Variants in ZNFX1 observed in about 807,000 individuals in gnomAD.
ZNFX1 encodes the protein zinc finger NFX1-type containing 1, also known as NFX1-type zinc finger-containing protein 1.
In ZNFX1, 78 loss-of-function variants were observed where a neutral mutation model predicts 179.8. That is an observed-to-expected ratio of 0.43 (90% CI 0.36 to 0.52). The LOEUF (loss-of-function observed/expected upper bound fraction) is 0.52, where lower values mean the gene tolerates loss of function less well. ZNFX1 is among the 20% of genes least tolerant of loss of function. The pLI is 0.00. For missense variants in ZNFX1, 1,927 were observed against 2,386.6 expected (o/e 0.81, Z 4.01); for synonymous variants, 848 against 868.5 (o/e 0.98, Z 0.42).
In ZNFX1 at chr20:49,248,483, CAG is replaced by C; in HGVS notation, c.4539_4540del (p.Val1515LeufsTer14). 1 of 1,612,566 alleles carries C rather than the reference CAG, an allele frequency of 6.2e-7. No individual in the cohort carries two copies. The highest frequency in any genetic ancestry group is 8.5e-7 in the Non-Finnish European group (1 of 1,178,870). ...CTGGTAGTGCTGGCAGCGCCAGACA[CAG>C]GGTTCCACGCAGGGACTACACAGCT... On this transcript the variant is annotated frameshift_variant, in exon 14 of 14. Coordinates refer to ENST00000396105, the MANE Select transcript of ZNFX1 (RefSeq NM_021035.3). LOFTEE classifies it high-confidence loss of function. The surrounding 1 kb of genome is among the most constrained non-coding windows in gnomAD (Gnocchi z 4.6).
chr20:49,254,535 G>T lies in ZNFX1; in HGVS notation c.2919C>A (p.His973Gln). The T allele has an allele frequency of 6.2e-7, 1 of 1,614,180 alleles. No individual in the cohort carries two copies. Among genetic ancestry groups the T allele is most frequent in the African/African-American group, 1.3e-5 (1 of 75,036 alleles). The change falls in exon 10 of 14, where the codon CAC (histidine) becomes CAA (glutamine). Residue 973 changes from histidine (H) to glutamine (Q), a missense_variant. Coordinates refer to ENST00000396105, the MANE Select transcript of ZNFX1 (RefSeq NM_021035.3). ...MAELRLQEDL[H>Q]ILKDAQVVGM... ...CTACAACCTGGGCATCTTTAAGAAT[G>T]TGCAGGTCTTCCTGGAGTCTCAGCT... is the stretch of plus-strand genomic sequence containing the variant.
intron 4 of ZNFX1, 27 bp from the exon 5 acceptor site, chr20:49,264,891 G>A: frequency 6.2e-7 from 1 of 1,614,130 alleles, no homozygotes; most frequent in Non-Finnish European, 8.5e-7. Flanking sequence ...AGCATGGCAG[G>A]GTTGAGAGGA....
intron 13 of ZNFX1, among the ~76,000 whole-genome samples, chr20:49,250,952 G>A (rs1408004971): frequency 6.6e-6 from 1 of 152,038 alleles, no homozygotes; most frequent in Non-Finnish European, 1.5e-5. Flanking sequence ...CTTGTGATTC[G>A]CCCGCCTCGG....
chr20:49,266,119 T>C lies in ZNFX1; in HGVS notation c.2002+16A>G. The C allele has an allele frequency of 6.2e-7, 1 of 1,602,240 alleles. No homozygotes were observed. Among genetic ancestry groups the C allele is most frequent in the South Asian group, 1.1e-5 (1 of 88,298 alleles). On this transcript the variant is annotated intron_variant, in intron 4 of 13. Coordinates refer to ENST00000396105, the MANE Select transcript of ZNFX1 (RefSeq NM_021035.3). The stretch of plus-strand genomic sequence containing the variant: ...TCAACATCTTGATAGAGAACAAATT[T>C]GCCTATAAGTATTACCTTCCAGAAA...
At chr20:49,260,807 G>C (rs779923899) in intron 6 of ZNFX1, among the ~76,000 whole-genome samples, 5 of 152,178 alleles carry the variant, frequency 3.3e-5, no homozygotes, top group Non-Finnish European at 5.9e-5. Context: ...AAGACTGGGC[G>C]TGGTGGCTTG....
intron 11 of ZNFX1, 109 bp downstream of exon 11, chr20:49,253,557 A>AGAAG: frequency 7.4e-7 from 1 of 1,343,238 alleles, no homozygotes. Context: ...AGGAATCACA[A>AGAAG]GAAGCTACTA....
Position 49,249,203 on chromosome 20 carries a change from A to G in ZNFX1, c.3821T>C (p.Val1274Ala), listed in dbSNP as rs1230971715. 2.5e-6 allele frequency: 4 copies of G among 1,614,062 alleles called. No homozygotes were observed. The highest frequency in any genetic ancestry group is 3.4e-6 in the Non-Finnish European group (4 of 1,180,036). The change falls in exon 14 of 14, where the codon GTA becomes GCA. Residue 1274 changes from valine to alanine, a missense_variant. Val to Ala is a moderately conservative substitution (Grantham distance 64). Coordinates refer to ENST00000396105, the MANE Select transcript of ZNFX1 (RefSeq NM_021035.3). Reference protein sequence around the residue: ...CQNHPETHTLVSKASDFQKVP... With the variant: ...CQNHPETHTLASKASDFQKVP... Reference sequence around the variant, plus strand: ...TTTTTGGAAGTCAGAAGCTTTGGATACTAAGGTGTGGGTTTCAGGGTGGTT... The same window carrying G: ...TTTTTGGAAGTCAGAAGCTTTGGATGCTAAGGTGTGGGTTTCAGGGTGGTT...
chr20:49,264,599 TC>T (rs1981192884), intron 5 of ZNFX1, 116 bp downstream of exon 5: 4 of 1,283,582 alleles, frequency 3.1e-6, no homozygotes, highest in Admixed American at 4.3e-5. Context: ...GGAACCTGGG[TC>T]CTCCAGAGCT....
At chr20:49,272,544 A>G (rs1413488473) in intron 2 of ZNFX1, among the ~76,000 whole-genome samples, 1 of 151,642 alleles carries the variant, frequency 6.6e-6, no homozygotes, top group Non-Finnish European at 1.5e-5. Flanking sequence ...CACATTAAAA[A>G]CTCTCAATAA....
At chr20:49,249,964 A>G (rs981723667) in intron 13 of ZNFX1, among the ~76,000 whole-genome samples, 1 of 152,170 alleles carries the variant, frequency 6.6e-6, no homozygotes, top group Non-Finnish European at 1.5e-5. Flanking sequence ...GTTAATATTT[A>G]AAAAAGCTGG....
At chr20:49,254,832 C>T (rs1980929121) in intron 9 of ZNFX1, among the ~76,000 whole-genome samples, 183 bp from the exon 10 acceptor site, 1 of 152,070 alleles carries the variant, frequency 6.6e-6, no homozygotes, top group African/African-American at 2.4e-5. Flanking sequence ...GCAGAGTAGT[C>T]AGGAGCTAAG....
chr20:49,263,233 G>T, intron 6 of ZNFX1, 101 bp downstream of exon 6: 1 of 1,415,640 alleles, frequency 7.1e-7, no homozygotes, highest in Non-Finnish European at 9.6e-7. Flanking sequence ...GGCAGCATCA[G>T]ATTATCAAAC....
chr20:49,273,467 T>C (rs1352284669), intron 2 of ZNFX1, among the ~76,000 whole-genome samples: 1 of 152,148 alleles, frequency 6.6e-6, no homozygotes, highest in East Asian at 1.9e-4. Flanking sequence ...GAATATTTGG[T>C]AAAATATAAA....
intron 3 of ZNFX1, among the ~76,000 whole-genome samples, chr20:49,268,235 T>C (rs1443634976): frequency 1.3e-5 from 2 of 152,118 alleles, no homozygotes; most frequent in Non-Finnish European, 2.9e-5. Context: ...TGCAATTAGT[T>C]AAGGTATGTA....
intron 2 of ZNFX1, among the ~76,000 whole-genome samples, chr20:49,273,583 A>G (rs1483671056): frequency 6.6e-6 from 1 of 152,220 alleles, no homozygotes; most frequent in Non-Finnish European, 1.5e-5. Flanking sequence ...TTTTTATCTG[A>G]TTAGAAGACT....
In ZNFX1 at chr20:49,270,945, C is replaced by T. The variant is rs1401420071; in HGVS notation, c.867G>A (p.Glu289=). 6.2e-7 allele frequency: 1 copy of T among 1,613,990 alleles called. No homozygotes were observed. Among genetic ancestry groups the T allele is most frequent in the Non-Finnish European group, 8.5e-7 (1 of 1,180,028 alleles). ...CCTTTTCCAGGTTCTTCTCCGTTTC[C>T]TCTTCTATGTCAACACCAGAGGCTC... ...ALRASGVDIE[E]ETEKNLEKVQ... Residue 289 remains glutamate (E), a synonymous_variant, in exon 3 of 14, where the codon GAG becomes GAA. Coordinates refer to ENST00000396105, the MANE Select transcript of ZNFX1 (RefSeq NM_021035.3). This position sits in a 1 kb window ranked among gnomAD's most constrained non-coding sequence, Gnocchi z 4.6.
intron 2 of ZNFX1, among the ~76,000 whole-genome samples, chr20:49,272,251 C>A (rs1334684575): frequency 2.0e-5 from 3 of 150,360 alleles, no homozygotes; most frequent in Admixed American, 1.3e-4. Context: ...GATCTCAGCT[C>A]ACTGCAACCT....
chr20:49,269,773 T>C (rs1981333604), intron 3 of ZNFX1, among the ~76,000 whole-genome samples, 169 bp downstream of exon 3: 1 of 151,998 alleles, frequency 6.6e-6, no homozygotes, highest in South Asian at 2.1e-4. Flanking sequence ...CTCTGCAACA[T>C]GGCAATTTAC....
chr20:49,261,766 C>T (rs1249851231), intron 6 of ZNFX1, among the ~76,000 whole-genome samples: 4 of 151,940 alleles, frequency 2.6e-5, no homozygotes, highest in African/African-American at 9.7e-5. Flanking sequence ...CTGCCTCAGC[C>T]TCCTGAGTAG....
Sources: allele counts gnomAD v4.1 joint callset (sites outside exome capture counted in the v4.1 genomes callset), GRCh38; gene constraint gnomAD v4.1.1; non-coding constraint Gnocchi (gnomAD v3.1); transcripts MANE v1.5; gene names NCBI Gene and HGNC (gene_info 2026-07-23, HGNC 2026-07-21).